Variants in IFT56 observed in about 807,000 individuals in gnomAD.
IFT56 encodes intraflagellar transport 56, also known as intraflagellar transport protein 56.
the IFT56 span, chr7:139,174,233 C>CT: frequency 3.4e-6 from 2 of 587,628 alleles, no homozygotes; most frequent in Non-Finnish European, 3.4e-6. Flanking sequence ...ATCTTTCTGC[C>CT]TTTTTTGTCT....
the IFT56 span, chr7:139,174,103 T>G: frequency 1.7e-6 from 1 of 598,364 alleles, no homozygotes. Context: ...AGCTACAGCT[T>G]TTCTTGCCAA....
At chr7:139,150,472 C>A in the IFT56 span, among the ~76,000 whole-genome samples, 1 of 152,088 alleles carries the variant, frequency 6.6e-6, no homozygotes, top group African/African-American at 2.4e-5. Context: ...CTAGAATTAT[C>A]CAAGTTAGGA....
chr7:139,172,696 TACAA>T, the IFT56 span: 6 of 622,998 alleles, frequency 9.6e-6, no homozygotes, highest in South Asian at 8.2e-5. Context: ...CTGGAAGTTT[TACAA>T]ACAATCGCAG....
chr7:139,137,316 C>G, the IFT56 span, among the ~76,000 whole-genome samples: 1 of 152,160 alleles, frequency 6.6e-6, no homozygotes, highest in African/African-American at 2.4e-5. Flanking sequence ...GTAAGCTAGC[C>G]TGCTCAAGGG....
chr7:139,148,927 A>G, the IFT56 span, among the ~76,000 whole-genome samples: 15 of 151,582 alleles, frequency 9.9e-5, no homozygotes, highest in East Asian at 2.9e-3. Flanking sequence ...CAAAAAACAA[A>G]TGCTTCAGCT....
the IFT56 span, among the ~76,000 whole-genome samples, chr7:139,187,929 C>T: frequency 4.0e-4 from 60 of 150,572 alleles, 1 homozygote; most frequent in Non-Finnish European, 7.2e-4. Flanking sequence ...TGCCTATTGG[C>T]TTTTTCTTGT....
At chr7:139,187,235 C>G in the IFT56 span, among the ~76,000 whole-genome samples, 18 of 151,916 alleles carry the variant, frequency 1.2e-4, no homozygotes, top group Admixed American at 9.8e-4. Flanking sequence ...TGTAATTTTC[C>G]TTCTTATTGT....
At chr7:139,138,372 T>A in the IFT56 span, among the ~76,000 whole-genome samples, 1 of 152,212 alleles carries the variant, frequency 6.6e-6, no homozygotes, top group Admixed American at 6.5e-5. Flanking sequence ...TGTGCCTAAC[T>A]TATAAATTAA....
chr7:139,153,888 T>C, the IFT56 span, among the ~76,000 whole-genome samples: 1 of 152,202 alleles, frequency 6.6e-6, no homozygotes, highest in South Asian at 2.1e-4. Flanking sequence ...ATGGTAACTG[T>C]ATATGTAATT....
the IFT56 span, among the ~76,000 whole-genome samples, chr7:139,154,973 C>CTTTTTTTTT: frequency 0.016 from 2,416 of 151,972 alleles, 61 homozygotes; most frequent in African/African-American, 0.055. Context: ...AATGTTTTTC[C>CTTTTTTTTT]ATTTATTTAG....
chr7:139,152,674 C>G, the IFT56 span, among the ~76,000 whole-genome samples: 3 of 152,130 alleles, frequency 2.0e-5, no homozygotes, highest in Non-Finnish European at 4.4e-5. Context: ...CACTTTCATT[C>G]TAACGTAGAT....
the IFT56 span, among the ~76,000 whole-genome samples, chr7:139,174,629 A>G: frequency 2.6e-5 from 4 of 152,218 alleles, no homozygotes; most frequent in African/African-American, 9.6e-5. Flanking sequence ...GGGATTAATA[A>G]TCAAAATATA....
At chr7:139,175,535 C>T in the IFT56 span, among the ~76,000 whole-genome samples, 4 of 152,144 alleles carry the variant, frequency 2.6e-5, no homozygotes, top group African/African-American at 9.7e-5. Context: ...GGAATACTTA[C>T]TGTTCAGCCA....
the IFT56 span, chr7:139,147,009 C>T: frequency 6.5e-7 from 1 of 1,533,402 alleles, no homozygotes; most frequent in South Asian, 1.2e-5. Context: ...AGACAAAGAA[C>T]CTAAGGGAAA....
chr7:139,138,139 G>A, the IFT56 span, among the ~76,000 whole-genome samples: 1,103 of 152,198 alleles, frequency 7.2e-3, 8 homozygotes, highest in Middle Eastern at 0.027. Context: ...TTCAGTAATC[G>A]TCTAATGTTA....
At chr7:139,172,248 T>C in the IFT56 span, among the ~76,000 whole-genome samples, 1 of 152,242 alleles carries the variant, frequency 6.6e-6, no homozygotes, top group Admixed American at 6.5e-5. Context: ...AACATTTCAC[T>C]GTGGACCCAG....
the IFT56 span, among the ~76,000 whole-genome samples, chr7:139,150,423 T>A: frequency 6.6e-6 from 1 of 152,242 alleles, no homozygotes; most frequent in African/African-American, 2.4e-5. Flanking sequence ...TTTTCCATAG[T>A]CTAGTATGGT....
the IFT56 span, chr7:139,148,214 T>C: frequency 6.2e-7 from 1 of 1,610,226 alleles, no homozygotes; most frequent in Non-Finnish European, 8.5e-7. Flanking sequence ...AGGGAATACC[T>C]TGCCCTTAAT....
At chr7:139,136,717 C>T in the IFT56 span, among the ~76,000 whole-genome samples, 5 of 152,106 alleles carry the variant, frequency 3.3e-5, no homozygotes, top group Non-Finnish European at 7.4e-5. Flanking sequence ...GATCCTCCTG[C>T]TTCTGGCCTC....
Sources: allele counts gnomAD v4.1 joint callset (sites outside exome capture counted in the v4.1 genomes callset), GRCh38; gene constraint gnomAD v4.1.1; transcripts MANE v1.5; gene names NCBI Gene and HGNC (gene_info 2026-07-23, HGNC 2026-07-21).